PDE1A: variants seen among roughly 807,000 people sequenced by gnomAD.
The protein encoded by PDE1A is dual specificity calcium/calmodulin-dependent 3',5'-cyclic nucleotide phosphodiesterase 1A.
A neutral mutation model predicts 61.7 loss-of-function variants in PDE1A; 35 were observed. The ratio of observed to expected loss-of-function variants is 0.57; its 90% CI spans 0.43 to 0.75. The LOEUF (loss-of-function observed/expected upper bound fraction) is 0.75. Among genes scored for constraint, PDE1A ranks in the 30% least tolerant of loss-of-function variants. The probability of loss-of-function intolerance (pLI) is 0.00; values close to 1 mark genes in which losing one functional copy is unlikely to be tolerated. For missense variants in PDE1A, 597 were observed against 630.6 expected, an observed-to-expected ratio of 0.95 and a Z score of 0.57; for synonymous variants, 232 against 213.2, an observed-to-expected ratio of 1.09 and a Z score of -0.77.
intron 1 of PDE1A, among the ~76,000 whole-genome samples, chr2:182,328,903 T>C (rs761141841): frequency 6.6e-6 from 1 of 152,176 alleles, no homozygotes; most frequent in African/African-American, 2.4e-5. Flanking sequence ...GCAAGAGCTT[T>C]TAACCTGGGC....
At chr2:182,371,811 G>T (rs1386119256) in intron 1 of PDE1A, among the ~76,000 whole-genome samples, 3 of 151,790 alleles carry the variant, frequency 2.0e-5, no homozygotes, top group African/African-American at 7.3e-5. Flanking sequence ...TTAGAGACAG[G>T]GTCTCACTCT....
At chr2:182,371,117 T>C (rs1351318556) in intron 1 of PDE1A, among the ~76,000 whole-genome samples, 1 of 152,146 alleles carries the variant, frequency 6.6e-6, no homozygotes, top group Admixed American at 6.5e-5. Context: ...CACAACTTAA[T>C]GTCATTTGAT....
intron 13 of PDE1A, among the ~76,000 whole-genome samples, chr2:182,160,786 T>C (rs1359166756): frequency 1.3e-5 from 2 of 152,182 alleles, no homozygotes; most frequent in Non-Finnish European, 1.5e-5. Context: ...TTCCCTTTCA[T>C]GTATATTCTA....
chr2:182,703,631 G>A, the PDE1A span, among the ~76,000 whole-genome samples: 1 of 152,186 alleles, frequency 6.6e-6, no homozygotes, highest in Non-Finnish European at 1.5e-5. Flanking sequence ...CATAGCCTGG[G>A]ATCTAATCAG....
intron 2 of PDE1A, among the ~76,000 whole-genome samples, chr2:182,478,346 A>G (rs967083471): frequency 1.4e-4 from 19 of 139,920 alleles, no homozygotes; most frequent in African/African-American, 5.0e-4. Context: ...CCTGCTATGC[A>G]GAAAAAAAAA....
At chr2:182,667,354 A>G in the PDE1A span, among the ~76,000 whole-genome samples, 72,336 of 152,006 alleles carry the variant, frequency 0.48, 17,758 homozygotes, top group South Asian at 0.53. Flanking sequence ...AGTATTGTCC[A>G]TTGGCCTCTG....
chr2:182,340,482 A>T (rs1224197120), intron 1 of PDE1A, among the ~76,000 whole-genome samples: 1 of 152,202 alleles, frequency 6.6e-6, no homozygotes, highest in Admixed American at 6.5e-5. Flanking sequence ...AACTCACTTC[A>T]TGAAATACCT....
At chr2:182,679,820 A>C in the PDE1A span, among the ~76,000 whole-genome samples, 1 of 152,176 alleles carries the variant, frequency 6.6e-6, no homozygotes, top group African/African-American at 2.4e-5. Context: ...TAGAGCTAAT[A>C]AAATTGATTC....
chr2:182,649,897 T>A, the PDE1A span, among the ~76,000 whole-genome samples: 1 of 152,122 alleles, frequency 6.6e-6, no homozygotes, highest in Non-Finnish European at 1.5e-5. Flanking sequence ...TGTGAGCCAC[T>A]GTGCCCGGCC....
chr2:182,576,581 CA>C, the PDE1A span, among the ~76,000 whole-genome samples: 33 of 152,222 alleles, frequency 2.2e-4, no homozygotes, highest in South Asian at 2.9e-3. Flanking sequence ...TGTATATAAA[CA>C]GAAGTGAAAT....
At chr2:182,399,168 T>C (rs1701864307) in intron 1 of PDE1A, among the ~76,000 whole-genome samples, 1 of 151,994 alleles carries the variant, frequency 6.6e-6, no homozygotes, top group African/African-American at 2.4e-5. Flanking sequence ...ACTATGTTTA[T>C]TACTCATTTC....
the PDE1A span, among the ~76,000 whole-genome samples, chr2:182,635,919 A>C: frequency 1.3e-5 from 2 of 149,908 alleles, no homozygotes; most frequent in Admixed American, 1.3e-4. Context: ...TACTTCCGTC[A>C]ATAAAGCTTC....
At chr2:182,475,512 C>G (rs1477291102) in intron 2 of PDE1A, among the ~76,000 whole-genome samples, 1 of 151,890 alleles carries the variant, frequency 6.6e-6, no homozygotes, top group African/African-American at 2.4e-5. Flanking sequence ...CACAGCCAGA[C>G]TATATGCTTT....
At chr2:182,585,568 C>T in the PDE1A span, among the ~76,000 whole-genome samples, 1 of 152,104 alleles carries the variant, frequency 6.6e-6, no homozygotes, top group Admixed American at 6.5e-5. Flanking sequence ...AGTGGGTTTT[C>T]AGTCCACTTT....
chr2:182,359,529 G>A (rs1331465780), intron 1 of PDE1A, among the ~76,000 whole-genome samples: 4 of 152,102 alleles, frequency 2.6e-5, no homozygotes, highest in Non-Finnish European at 5.9e-5. Flanking sequence ...GGATGCCTAA[G>A]TATACAACTG....
the PDE1A span, among the ~76,000 whole-genome samples, chr2:182,646,686 A>G: frequency 4.1e-5 from 6 of 145,402 alleles, no homozygotes; most frequent in African/African-American, 1.3e-4. Context: ...TCCATCTAGG[A>G]AAAAAAAAAA....
At chr2:182,402,867 A>G (rs575378964) in intron 1 of PDE1A, among the ~76,000 whole-genome samples, 27 of 152,374 alleles carry the variant, frequency 1.8e-4, no homozygotes, top group African/African-American at 6.3e-4. Flanking sequence ...TGGGTGAAGG[A>G]TATGAACAGA....
the PDE1A span, among the ~76,000 whole-genome samples, chr2:182,623,973 A>C: frequency 6.6e-6 from 1 of 151,932 alleles, no homozygotes; most frequent in Non-Finnish European, 1.5e-5. Flanking sequence ...AAAATACAAA[A>C]AATTAGCCGG....
At chr2:182,152,124 TAAG>T (rs1358874051) in intron 13 of PDE1A, among the ~76,000 whole-genome samples, 2 of 152,196 alleles carry the variant, frequency 1.3e-5, no homozygotes, top group African/African-American at 2.4e-5. Flanking sequence ...TATTTTTTCA[TAAG>T]AAGAATATTA....
Sources: gnomAD v4.1 joint callset for allele counts (sites outside exome capture counted in the v4.1 genomes callset) on GRCh38, gnomAD v4.1.1 for gene constraint, MANE v1.5 for transcripts, NCBI Gene and HGNC (gene_info 2026-07-23, HGNC 2026-07-21) for gene names.